The following HAUS6 variants were observed in gnomAD, a reference collection of about 807,000 sequenced individuals.
HAUS6 encodes the protein HAUS augmin-like complex subunit 6.
A neutral mutation model predicts 106.8 loss-of-function variants in HAUS6; 80 were observed. That is an observed-to-expected ratio of 0.75 (90% CI 0.63 to 0.90). HAUS6 has a LOEUF of 0.90. Among genes scored for constraint, HAUS6 ranks in the 40% least tolerant of loss-of-function variants. HAUS6 has a pLI of 0.00. For synonymous variants in HAUS6, 356 were observed against 379.1 expected (o/e 0.94, Z 0.71); for missense variants, 1,155 against 1,118.1 (o/e 1.03, Z -0.47).
At chr9:19,093,568 C>T (rs1460960559) in intron 3 of HAUS6, among the ~76,000 whole-genome samples, 1 of 152,130 alleles carries the variant, frequency 6.6e-6, no homozygotes, top group African/African-American at 2.4e-5. Flanking sequence ...ATTTTTGAAG[C>T]ATAAAAGAAT....
chr9:19,064,155 T>C (rs768308947), intron 12 of HAUS6, among the ~76,000 whole-genome samples: 4 of 152,054 alleles, frequency 2.6e-5, no homozygotes, highest in Non-Finnish European at 4.4e-5. Flanking sequence ...TTAGTAGAGA[T>C]GGGCTTTCTC....
At chr9:19,066,788 G>C (rs1388232814) in intron 12 of HAUS6, among the ~76,000 whole-genome samples, 5 of 136,692 alleles carry the variant, frequency 3.7e-5, no homozygotes, top group Admixed American at 1.7e-4. Context: ...GAGCTCAGAA[G>C]TTTGAGACCA....
chr9:19,094,257 A>G, intron 3 of HAUS6, 60 bp downstream of exon 3: 1 of 948,502 alleles, frequency 1.1e-6, no homozygotes, highest in Non-Finnish European at 1.7e-6. Context: ...AAAAAGTTAA[A>G]GAGTTAAAGT....
At position 19,058,214 on chromosome 9, in the gene HAUS6, A is replaced by G. The variant is rs1305010090; in HGVS notation, c.2553T>C (p.Ser851=). The stretch of plus-strand genomic sequence containing the variant: ...CGGGTGTTTGGGAATTCGAGAGGTA[A>G]GATTCTTCCCTTTTCTTGGAAAGAG... ...KKSLSKKREE[S]YLSNSQTPER... is the part of the protein sequence containing the mutation. Residue 851 remains serine (S), a synonymous_variant, in exon 16 of 17, where the codon TCT becomes TCC. Coordinates refer to ENST00000380502, the MANE Select transcript of HAUS6 (RefSeq NM_017645.5). 1.2e-6 allele frequency: 2 copies of G among 1,613,826 alleles called. No individual in the cohort carries two copies. Among genetic ancestry groups the G allele is most frequent in the Non-Finnish European group, 8.5e-7 (1 of 1,179,866 alleles).
intron 5 of HAUS6, among the ~76,000 whole-genome samples, chr9:19,088,695 C>T (rs1179007765): frequency 1.3e-5 from 2 of 149,714 alleles, no homozygotes; most frequent in Non-Finnish European, 3.0e-5. Flanking sequence ...TGGCAAAACC[C>T]GGTCGCTACT....
intron 7 of HAUS6, among the ~76,000 whole-genome samples, chr9:19,084,902 CA>C (rs1471550405): frequency 2.0e-5 from 3 of 151,810 alleles, no homozygotes; most frequent in Non-Finnish European, 4.4e-5. Flanking sequence ...AAAGTGCTCA[CA>C]GGCGTGAGCC....
chr9:19,085,870 T>C (rs1837281317), intron 7 of HAUS6, among the ~76,000 whole-genome samples: 1 of 152,090 alleles, frequency 6.6e-6, no homozygotes, highest in Admixed American at 6.6e-5. Context: ...TTCAAATTAA[T>C]CATGTCTAAA....
At chr9:19,086,833 T>A in intron 6 of HAUS6, 51 bp from the exon 7 acceptor site, 1 of 787,290 alleles carries the variant, frequency 1.3e-6, no homozygotes, top group Non-Finnish European at 2.1e-6. Context: ...CACATGGTAA[T>A]TTAATATCCA....
intron 4 of HAUS6, among the ~76,000 whole-genome samples, chr9:19,092,108 T>A (rs1213887322): frequency 1.3e-5 from 2 of 152,144 alleles, no homozygotes; most frequent in African/African-American, 2.4e-5. Flanking sequence ...TCTGGTCACA[T>A]ACGATGCTAA....
At chr9:19,071,132 A>C (rs1836873791) in intron 11 of HAUS6, among the ~76,000 whole-genome samples, 1 of 152,254 alleles carries the variant, frequency 6.6e-6, no homozygotes, top group Admixed American at 6.5e-5. Flanking sequence ...AGATGACACC[A>C]TGAAAAACAG....
intron 5 of HAUS6, among the ~76,000 whole-genome samples, chr9:19,088,792 C>T (rs555996936): frequency 2.0e-4 from 30 of 150,430 alleles, no homozygotes; most frequent in East Asian, 1.2e-3. Context: ...GCAGGAGAAT[C>T]GTTTGAACCC....
intron 12 of HAUS6, 41 bp downstream of exon 12, chr9:19,070,178 G>C (rs537525873): frequency 7.3e-6 from 8 of 1,091,122 alleles, no homozygotes; most frequent in Non-Finnish European, 1.1e-5. Context: ...TAAAATAAGA[G>C]TTTTTTAATG....
chr9:19,075,042 A>G (rs1564012773), intron 11 of HAUS6, among the ~76,000 whole-genome samples: 1 of 152,248 alleles, frequency 6.6e-6, no homozygotes, highest in Non-Finnish European at 1.5e-5. Context: ...ATACAATGGC[A>G]TGTATTCATA....
At position 19,102,517 on chromosome 9, in the gene HAUS6, T is replaced by C; in HGVS notation, c.128+7A>G. On this transcript the variant is annotated splice_region_variant and intron_variant, in intron 1 of 16. Transcript: ENST00000380502. Reference sequence around the variant, plus strand: ...CTCCCTCGCCCCGCCGGCCCCGGCCTCCTTACACTCCGAGGTGCGTGTGCG... The same window carrying C: ...CTCCCTCGCCCCGCCGGCCCCGGCCCCCTTACACTCCGAGGTGCGTGTGCG... The C allele has an allele frequency of 6.2e-7, 1 of 1,612,620 alleles. No homozygotes were observed. The highest frequency in any genetic ancestry group is 1.3e-5 in the African/African-American group (1 of 74,998).
chr9:19,068,197 A>C (rs1836806112), intron 12 of HAUS6, among the ~76,000 whole-genome samples: 1 of 152,160 alleles, frequency 6.6e-6, no homozygotes, highest in Non-Finnish European at 1.5e-5. Flanking sequence ...CTGCCATAAA[A>C]AGAACTGTGA....
chr9:19,098,777 C>T (rs1028382655), intron 1 of HAUS6, among the ~76,000 whole-genome samples: 1 of 152,004 alleles, frequency 6.6e-6, no homozygotes, highest in African/African-American at 2.4e-5. Flanking sequence ...AATCCCAGCA[C>T]TCTGGGAGGC....
intron 11 of HAUS6, 92 bp from the exon 12 acceptor site, chr9:19,070,392 A>G (rs749858033): frequency 2.8e-4 from 202 of 731,782 alleles, no homozygotes; most frequent in Non-Finnish European, 4.0e-4. Context: ...ACTTGTAAAC[A>G]GAAGAAAACA....
intron 7 of HAUS6, among the ~76,000 whole-genome samples, chr9:19,086,296 G>C (rs1164524820): frequency 1.4e-5 from 2 of 147,030 alleles, no homozygotes; most frequent in Non-Finnish European, 3.0e-5. Context: ...GGGAGAGTGA[G>C]ACTCCATCTC....
At position 19,053,381 on chromosome 9, in the gene HAUS6, A is replaced by T. The variant is rs1836398917; in HGVS notation, c.*2962T>A. 6.6e-6 allele frequency: 1 copy of T among 152,204 alleles called. No homozygotes were observed. Among genetic ancestry groups the T allele is most frequent in the Non-Finnish European group, 1.5e-5 (1 of 68,002 alleles). The allele number at this position is 152,204 out of a possible 1,614,324, so 9.4% of individuals were successfully genotyped here. A position where few individuals can be genotyped will look rare whatever the true frequency, so the allele number is the denominator to read the frequency against. ...ATTTTAGTACTCTCACAGTAGGAAGATAATAGTCTGCTTTTACACAGGTCT... is the reference window on the plus strand; with the variant it reads ...ATTTTAGTACTCTCACAGTAGGAAGTTAATAGTCTGCTTTTACACAGGTCT... On this transcript the variant is annotated 3_prime_UTR_variant, in exon 17 of 17. Coordinates refer to ENST00000380502, the MANE Select transcript of HAUS6 (RefSeq NM_017645.5).
Sources: gnomAD v4.1 joint callset for allele counts (sites outside exome capture counted in the v4.1 genomes callset) on GRCh38, gnomAD v4.1.1 for gene constraint, MANE v1.5 for transcripts, NCBI Gene and HGNC (gene_info 2026-07-23, HGNC 2026-07-21) for gene names.